Variants in TMTC1 observed in about 807,000 individuals in gnomAD.
The protein encoded by TMTC1 is protein O-mannosyl-transferase TMTC1.
Under a neutral mutation model 104.8 loss-of-function variants are expected in TMTC1, and 73 were observed. That is an observed-to-expected ratio of 0.70 (90% CI 0.58 to 0.85). The LOEUF is 0.85. Ranked by LOEUF, TMTC1 falls within the 40% of genes least tolerant of loss-of-function variation. The pLI is 0.00. For missense variants in TMTC1, 1,035 were observed against 1,096.1 expected (o/e 0.94, Z 0.79); for synonymous variants, 434 against 428.7 (o/e 1.01, Z -0.15).
intron 5 of TMTC1, among the ~76,000 whole-genome samples, chr12:29,643,120 C>A (rs901535628): frequency 6.6e-5 from 10 of 151,706 alleles, no homozygotes; most frequent in Admixed American, 3.3e-4. Flanking sequence ...GGAGAATGGC[C>A]ATAATCAAAA....
At chr12:29,690,353 T>C (rs1401668282) in intron 5 of TMTC1, among the ~76,000 whole-genome samples, 1 of 152,240 alleles carries the variant, frequency 6.6e-6, no homozygotes, top group Non-Finnish European at 1.5e-5. Flanking sequence ...CACTAGGCAA[T>C]ATGTGAGATG....
chr12:29,701,172 A>G (rs1041207357), intron 5 of TMTC1, among the ~76,000 whole-genome samples: 1 of 152,126 alleles, frequency 6.6e-6, no homozygotes, highest in Non-Finnish European at 1.5e-5. Context: ...CACAAGTACA[A>G]GTAAATTCAG....
intron 10 of TMTC1, among the ~76,000 whole-genome samples, chr12:29,548,357 A>G (rs299467): frequency 0.53 from 80,851 of 152,034 alleles, 24,603 homozygotes; most frequent in Non-Finnish European, 0.67. Context: ...CTGTTTGTCA[A>G]TTGATATGGT....
chr12:29,676,542 A>G (rs945903294), intron 5 of TMTC1, among the ~76,000 whole-genome samples: 2 of 152,346 alleles, frequency 1.3e-5, no homozygotes, highest in South Asian at 2.1e-4. Flanking sequence ...CCTTTGCTCA[A>G]GTAGGAAACC....
intron 10 of TMTC1, among the ~76,000 whole-genome samples, chr12:29,536,848 A>G (rs1944660141): frequency 6.6e-6 from 1 of 152,186 alleles, no homozygotes; most frequent in Non-Finnish European, 1.5e-5. Context: ...GAAATTAGAG[A>G]CTACTGTGAC....
At chr12:29,516,519 G>T in intron 14 of TMTC1, 33 bp from the exon 15 acceptor site, 1 of 1,600,396 alleles carries the variant, frequency 6.2e-7, no homozygotes, top group East Asian at 2.2e-5. Context: ...GCTTAGCAGA[G>T]ACTTCATTAC....
chr12:29,708,397 T>C (rs910953216), intron 5 of TMTC1, among the ~76,000 whole-genome samples: 1 of 152,186 alleles, frequency 6.6e-6, no homozygotes, highest in African/African-American at 2.4e-5. Context: ...TCTCTTATAA[T>C]AGACACCAAA....
intron 5 of TMTC1, among the ~76,000 whole-genome samples, chr12:29,644,387 T>TA (rs1432259052): frequency 4.6e-5 from 7 of 151,606 alleles, no homozygotes; most frequent in Non-Finnish European, 1.0e-4. Context: ...GGGCGAGGGA[T>TA]AAAAGACTAC....
chr12:29,635,117 A>G (rs1938483374), intron 5 of TMTC1, among the ~76,000 whole-genome samples: 1 of 152,178 alleles, frequency 6.6e-6, no homozygotes, highest in South Asian at 2.1e-4. Flanking sequence ...CTAAAAGGTA[A>G]TATACAAATA....
chr12:29,613,754 C>T (rs1946906585), intron 6 of TMTC1, among the ~76,000 whole-genome samples: 2 of 152,164 alleles, frequency 1.3e-5, no homozygotes, highest in African/African-American at 2.4e-5. Flanking sequence ...AATATCCATG[C>T]CTGGGAGAAG....
At chr12:29,733,332 TTCTCAGAA>T (rs1422735282) in intron 5 of TMTC1, among the ~76,000 whole-genome samples, 16 of 152,088 alleles carry the variant, frequency 1.1e-4, no homozygotes, top group Non-Finnish European at 2.2e-4. Context: ...CTTTCTCACC[TTCTCAGAA>T]TCCTGAGGGG....
intron 6 of TMTC1, among the ~76,000 whole-genome samples, chr12:29,625,537 T>C (rs376333984): frequency 2.6e-5 from 4 of 152,206 alleles, no homozygotes; most frequent in African/African-American, 7.2e-5. Context: ...ATGTTCAAGA[T>C]GAAAGCCACT....
At chr12:29,637,549 T>A (rs139187761) in intron 5 of TMTC1, among the ~76,000 whole-genome samples, 1 of 152,184 alleles carries the variant, frequency 6.6e-6, no homozygotes, top group Non-Finnish European at 1.5e-5. Flanking sequence ...AGAGGTTTCA[T>A]GGCCGAAAAA....
intron 5 of TMTC1, among the ~76,000 whole-genome samples, chr12:29,744,778 G>A (rs1465493151): frequency 6.6e-6 from 1 of 152,142 alleles, no homozygotes; most frequent in East Asian, 1.9e-4. Context: ...ACTTTAATGA[G>A]ACCTGGGAAA....
chr12:29,711,009 G>T (rs908401375), intron 5 of TMTC1, among the ~76,000 whole-genome samples: 58 of 146,206 alleles, frequency 4.0e-4, no homozygotes, highest in Non-Finnish European at 1.8e-4. Context: ...TCAGAGCAGG[G>T]TCTCACTCTA....
chr12:29,507,821 C>T (rs1439541343), intron 17 of TMTC1, among the ~76,000 whole-genome samples: 1 of 152,156 alleles, frequency 6.6e-6, no homozygotes, highest in Admixed American at 6.5e-5. Flanking sequence ...CTGTATTCTG[C>T]AAATTCTCAG....
chr12:29,753,167 G>T (rs1452295787), intron 4 of TMTC1, among the ~76,000 whole-genome samples: 4 of 152,190 alleles, frequency 2.6e-5, no homozygotes, highest in Admixed American at 2.6e-4. Context: ...GAACCACCTA[G>T]TGCTAAGATG....
At chr12:29,725,755 G>A (rs571457012) in intron 5 of TMTC1, among the ~76,000 whole-genome samples, 77 of 152,282 alleles carry the variant, frequency 5.1e-4, no homozygotes, top group African/African-American at 1.7e-3. Flanking sequence ...TTTCACAATG[G>A]TCTATCATCT....
chr12:29,689,535 G>C (rs182682681), intron 5 of TMTC1, among the ~76,000 whole-genome samples: 1 of 152,116 alleles, frequency 6.6e-6, no homozygotes, highest in African/African-American at 2.4e-5. Context: ...GGCTGGTCTC[G>C]AACTCCCGAC....
Sources: allele counts gnomAD v4.1 joint callset (sites outside exome capture counted in the v4.1 genomes callset), GRCh38; gene constraint gnomAD v4.1.1; transcripts MANE v1.5; gene names NCBI Gene and HGNC (gene_info 2026-07-23, HGNC 2026-07-21).